Variants in KIF17 observed in about 807,000 individuals in gnomAD.
KIF17 encodes kinesin-like protein KIF17.
In KIF17, 80 loss-of-function variants were observed where a neutral mutation model predicts 96.8. That is an observed-to-expected ratio of 0.83 (90% CI 0.69 to 1.00). The LOEUF (loss-of-function observed/expected upper bound fraction) is 1.00, where lower values mean the gene tolerates loss of function less well. KIF17 is among the 50% of genes least tolerant of loss of function. KIF17 has a pLI of 0.00. For synonymous variants in KIF17, 567 were observed against 587.5 expected (o/e 0.97, Z 0.51); for missense variants, 1,280 against 1,372.9 (o/e 0.93, Z 1.07).
At position 20,682,698 on chromosome 1, in the gene KIF17, C is replaced by T; in HGVS notation, c.2418G>A (p.Glu806=). ...VLLNVYDSIQ[E]EVRAKSKLLE... is the part of the protein sequence containing the mutation. The stretch of plus-strand genomic sequence containing the variant: ...GCAGCTTGCTCTTGGCCCGCACTTC[C>T]TCCTGGATGGAGTCGTAGACGTTAA... Residue 806 remains glutamate, a synonymous_variant, in exon 11 of 15, where the codon GAG becomes GAA. Coordinates refer to ENST00000400463, the MANE Select transcript of KIF17 (RefSeq NM_001122819.3). The T allele has an allele frequency of 6.2e-7, 1 of 1,614,014 alleles. No individual in the cohort carries two copies. The highest frequency in any genetic ancestry group is 8.5e-7 in the Non-Finnish European group (1 of 1,180,046).
intron 8 of KIF17, among the ~76,000 whole-genome samples, chr1:20,686,530 A>G (rs1290976273): frequency 6.6e-6 from 1 of 152,090 alleles, no homozygotes; most frequent in East Asian, 1.9e-4. Context: ...AGGAAAGGAA[A>G]GCAGAGAACA....
chr1:20,717,540 C>T lies in KIF17; in HGVS notation c.167G>A (p.Gly56Asp). The change falls in exon 1 of 15, where the codon GGC becomes GAC. Residue 56 changes from glycine (G) to aspartate (D), a missense_variant. Physicochemically the swap from Gly to Asp is moderately conservative, Grantham distance 94. Transcript: ENST00000400463. ...GGTGACGTGGTCCACGTGGTAGGCG[C>T]CGTCGAAGGTGAACTGCTTGGGCGG... is the stretch of plus-strand genomic sequence containing the variant. Reference protein sequence around the residue: ...DEPPKQFTFDGAYHVDHVTEQ... With the variant: ...DEPPKQFTFDDAYHVDHVTEQ... 1 of 1,612,080 alleles carries T rather than the reference C, an allele frequency of 6.2e-7. No homozygotes were observed. Among genetic ancestry groups the T allele is most frequent in the Non-Finnish European group, 8.5e-7 (1 of 1,179,690 alleles).
At chr1:20,690,100 G>C in intron 7 of KIF17, 88 bp downstream of exon 7, 2 of 1,453,994 alleles carry the variant, frequency 1.4e-6, no homozygotes, top group Non-Finnish European at 9.6e-7. Context: ...CTCGGGTGTA[G>C]AAAATGCTCT....
At position 20,686,077 on chromosome 1, in the gene KIF17, G is replaced by A. The variant is rs766931618; in HGVS notation, c.1988C>T (p.Ala663Val). 1.7e-5 allele frequency: 26 copies of A among 1,563,222 alleles called. No homozygotes were observed. Among genetic ancestry groups the A allele is most frequent in the Non-Finnish European group, 2.0e-5 (23 of 1,153,458 alleles). ...GGGCGGGAAGTCATCAGCCGCCTCG[G>A]CTTCGGGCCTGGCATCACTGGGCTC... ...LLEPSDARPEAEAADDFPPRP... is the reference protein window; with the variant it reads ...LLEPSDARPEVEAADDFPPRP... Residue 663 changes from alanine (A) to valine (V), a missense_variant, in exon 9 of 15, where the codon GCC (alanine) becomes GTC (valine). Transcript: ENST00000400463.
chr1:20,690,352 G>GGGCGCC lies in KIF17; in HGVS notation c.1234-18_1234-17insGGCGCC. ...TTCATACTCCTGGGGGGGTGGGAGG[G>GGGCGCC]ACCAGAGGGCAGGCAGCATTTTATC... On this transcript the variant is annotated splice_polypyrimidine_tract_variant and intron_variant, in intron 6 of 14. Transcript: ENST00000400463. The GGGCGCC allele has an allele frequency of 1.1e-5, 5 of 451,138 alleles. No homozygotes were observed. Among genetic ancestry groups the GGGCGCC allele is most frequent in the Non-Finnish European group, 2.1e-5 (5 of 235,118 alleles). 27.9% of individuals were successfully genotyped at this position (451,138 alleles called of 1,614,324 possible). A position where few individuals can be genotyped will look rare whatever the true frequency, so the allele number is the denominator to read the frequency against.
intron 6 of KIF17, among the ~76,000 whole-genome samples, chr1:20,695,466 G>A (rs2054120490): frequency 6.6e-6 from 1 of 152,194 alleles, no homozygotes; most frequent in Admixed American, 6.5e-5. Flanking sequence ...TGGGATTACA[G>A]GCATGAGCCA....
At chr1:20,706,409 G>A (rs940718849) in intron 4 of KIF17, among the ~76,000 whole-genome samples, 1 of 151,550 alleles carries the variant, frequency 6.6e-6, no homozygotes, top group Non-Finnish European at 1.5e-5. Context: ...TGGCCAACAT[G>A]GTGAAACCTT....
At position 20,713,493 on chromosome 1, in the gene KIF17, G is replaced by T. The variant is rs1313796254; in HGVS notation, c.441C>A (p.Val147=). 1.9e-6 allele frequency: 3 copies of T among 1,613,276 alleles called. No individual in the cohort carries two copies. In the South Asian group the frequency reaches 3.3e-5, roughly 18 times the overall value. Residue 147 remains valine (V), a synonymous_variant, in exon 3 of 15, where the codon GTC becomes GTA. Coordinates refer to ENST00000400463, the MANE Select transcript of KIF17 (RefSeq NM_001122819.3). ...TGGTGTCAGCCCCAAGGAGGTCCCG[G>T]ACATCTTCATTGTAGATCTCCAGGT... ...ASYLEIYNED[V]RDLLGADTKQ...
intron 12 of KIF17, 83 bp from the exon 13 acceptor site, chr1:20,670,571 C>G: frequency 7.4e-7 from 1 of 1,344,748 alleles, no homozygotes; most frequent in African/African-American, 1.4e-5. Flanking sequence ...GGGGGTCAGG[C>G]CTGGCTCAGG....
Position 20,687,383 on chromosome 1 carries a change from G to A in KIF17, c.1938+5C>T. ...TCACATGGCACCATGCGTGACATCAGCTACCTGCACAGGGACCTTGGGGAC... is the reference window on the plus strand; with the variant it reads ...TCACATGGCACCATGCGTGACATCAACTACCTGCACAGGGACCTTGGGGAC... On this transcript the variant is annotated splice_donor_5th_base_variant and intron_variant, in intron 8 of 14. Transcript: ENST00000400463. This position sits in a 1 kb window ranked among gnomAD's most constrained non-coding sequence, Gnocchi z 4.4. The A allele has an allele frequency of 6.2e-7, 1 of 1,612,854 alleles. No homozygotes were observed. The highest frequency in any genetic ancestry group is 8.5e-7 in the Non-Finnish European group (1 of 1,179,996).
Position 20,687,484 on chromosome 1 carries a change from G to A in KIF17, c.1842C>T (p.Asp614=), listed in dbSNP as rs922900894. The A allele has an allele frequency of 2.5e-6, 4 of 1,613,780 alleles. No homozygotes were observed. The highest frequency in any genetic ancestry group is 3.4e-6 in the Non-Finnish European group (4 of 1,179,960). Residue 614 remains aspartate, a synonymous_variant, in exon 8 of 15, where the codon GAC becomes GAT. Transcript: ENST00000400463. The surrounding 1 kb of genome is among the most constrained non-coding windows in gnomAD (Gnocchi z 4.4). ...VPLQGLLGLQ[D]PFAEVEAKLA... Reference sequence around the variant, plus strand: ...GCTTGGCTTCCACCTCGGCAAACGGGTCCTGCAGGCCTAGTAACCCCTGCA... The same window carrying A: ...GCTTGGCTTCCACCTCGGCAAACGGATCCTGCAGGCCTAGTAACCCCTGCA...
intron 13 of KIF17, among the ~76,000 whole-genome samples, chr1:20,667,662 G>A (rs1013439945): frequency 1.3e-5 from 2 of 152,120 alleles, no homozygotes; most frequent in African/African-American, 2.4e-5. Flanking sequence ...CCATCCTTCC[G>A]GCCATGTGGA....
intron 5 of KIF17, among the ~76,000 whole-genome samples, chr1:20,698,998 G>A (rs775271609): frequency 1.1e-4 from 17 of 152,060 alleles, no homozygotes; most frequent in Admixed American, 4.6e-4. Context: ...CACCCAAGCC[G>A]GAGTGCAGTG....
intron 5 of KIF17, among the ~76,000 whole-genome samples, chr1:20,702,901 C>T (rs999293212): frequency 2.6e-5 from 4 of 152,196 alleles, no homozygotes; most frequent in East Asian, 1.9e-4. Flanking sequence ...AGGTACCCCA[C>T]GAGGCACAGC....
In KIF17 at chr1:20,690,338, G is replaced by A. The variant is rs755485377; in HGVS notation, c.1234-3C>T. 6.3e-6 allele frequency: 10 copies of A among 1,582,546 alleles called. No homozygotes were observed. The highest frequency in any genetic ancestry group is 1.3e-5 in the African/African-American group (1 of 74,150). Reference sequence around the variant, plus strand: ...CGGGCCAGGCGCTCTTCATACTCCTGGGGGGGTGGGAGGGACCAGAGGGCA... The same window carrying A: ...CGGGCCAGGCGCTCTTCATACTCCTAGGGGGGTGGGAGGGACCAGAGGGCA... On this transcript the variant is annotated splice_polypyrimidine_tract_variant and splice_region_variant and intron_variant, in intron 6 of 14. Coordinates refer to ENST00000400463, the MANE Select transcript of KIF17 (RefSeq NM_001122819.3).
rs2054310168 is a variant in KIF17, at chr1:20,704,702, A to T, written c.868T>A (p.Ser290Thr). The T allele has an allele frequency of 1.2e-6, 2 of 1,613,832 alleles. No individual in the cohort carries two copies. The highest frequency in any genetic ancestry group is 1.3e-5 in the African/African-American group (1 of 74,884). Residue 290 changes from serine to threonine, a missense_variant, in exon 5 of 15, where the codon TCG becomes ACG. Ser to Thr is a moderately conservative substitution (Grantham distance 58). Transcript: ENST00000400463. The surrounding 1 kb of genome is among the most constrained non-coding windows in gnomAD (Gnocchi z 6.8). ...TCCTGCAGCAGCCGCGTCAGCTTCG[A>T]GTCACGGTAGGGGACGTGCTTACAG... ...GRCKHVPYRD[S>T]KLTRLLQDSL...
chr1:20,712,845 T>TTATCTATA (rs2054491801), intron 3 of KIF17, among the ~76,000 whole-genome samples: 1 of 15,836 alleles, frequency 6.3e-5, no homozygotes. Flanking sequence ...ATTATAGATA[T>TTATCTATA]AGATAATATT....
At position 20,713,515 on chromosome 1, in the gene KIF17, A is replaced by G; in HGVS notation, c.419T>C (p.Leu140Pro). 6.2e-7 allele frequency: 1 copy of G among 1,610,648 alleles called. No individual in the cohort carries two copies. The highest frequency in any genetic ancestry group is 1.1e-5 in the South Asian group (1 of 90,916). Reference protein sequence around the residue: ...NTKFLVRASYLEIYNEDVRDL... With the variant: ...NTKFLVRASYPEIYNEDVRDL... ...CCGGACATCTTCATTGTAGATCTCC[A>G]GGTAGGAGGCCCGGACCAGGAACTT... is the stretch of plus-strand genomic sequence containing the variant. Residue 140 changes from leucine to proline, a missense_variant, in exon 3 of 15, where the codon CTG becomes CCG. Leu to Pro is a moderately conservative substitution (Grantham distance 98). Transcript: ENST00000400463.
chr1:20,685,297 A>G lies in KIF17; in HGVS notation c.2020-277T>C. 1 of 640,052 alleles carries G rather than the reference A, an allele frequency of 1.6e-6. No homozygotes were observed. Among genetic ancestry groups the G allele is most frequent in the Non-Finnish European group, 2.9e-6 (1 of 344,616 alleles). 39.6% of individuals were successfully genotyped at this position (640,052 alleles called of 1,614,324 possible). A position where few individuals can be genotyped will look rare whatever the true frequency, so the allele number is the denominator to read the frequency against. On this transcript the variant is annotated intron_variant, in intron 9 of 14. Coordinates refer to ENST00000400463, the MANE Select transcript of KIF17 (RefSeq NM_001122819.3). The surrounding 1 kb of genome is among the most constrained non-coding windows in gnomAD (Gnocchi z 4.1). ...CAGGCAGCCAGGGCCATCTTAAAAT[A>G]GAAACCGATCACATCCCGTTCCCGA... is the stretch of plus-strand genomic sequence containing the variant.
Sources: gnomAD v4.1 joint callset for allele counts (sites outside exome capture counted in the v4.1 genomes callset) on GRCh38, gnomAD v4.1.1 for gene constraint, Gnocchi (gnomAD v3.1) non-coding constraint, MANE v1.5 for transcripts, NCBI Gene and HGNC (gene_info 2026-07-23, HGNC 2026-07-21) for gene names.